RAD51B: variants seen among roughly 807,000 people sequenced by gnomAD.
The protein encoded by RAD51B is DNA repair protein RAD51 homolog 2.
A neutral mutation model predicts 42.2 loss-of-function variants in RAD51B; 38 were observed. The ratio of observed to expected loss-of-function variants is 0.90; its 90% CI spans 0.70 to 1.18. The LOEUF is 1.18. Among genes scored for constraint, RAD51B ranks in the 50% most tolerant of loss-of-function variants. RAD51B has a pLI of 0.00. For missense variants in RAD51B, 373 were observed against 400.7 expected (o/e 0.93, Z 0.59); for synonymous variants, 154 against 145.2 (o/e 1.06, Z -0.43).
chr14:68,602,014 C>G (rs1891238842), intron 10 of RAD51B, among the ~76,000 whole-genome samples: 1 of 152,116 alleles, frequency 6.6e-6, no homozygotes, highest in Admixed American at 6.5e-5. Flanking sequence ...CCTTATTGTC[C>G]CAACCTGCTT....
intron 7 of RAD51B, among the ~76,000 whole-genome samples, chr14:67,958,597 A>G (rs1309170522): frequency 6.6e-6 from 1 of 152,190 alleles, no homozygotes; most frequent in Admixed American, 6.5e-5. Flanking sequence ...GTAAAAAACA[A>G]TATTTCTCTT....
intron 7 of RAD51B, among the ~76,000 whole-genome samples, chr14:67,930,429 TTTA>T (rs2044686712): frequency 6.6e-6 from 1 of 152,214 alleles, no homozygotes; most frequent in South Asian, 2.1e-4. Context: ...TAGAAAAGAC[TTTA>T]TTTCTTCTTT....
At chr14:68,524,218 G>A (rs140344593) in intron 10 of RAD51B, among the ~76,000 whole-genome samples, 91 of 152,274 alleles carry the variant, frequency 6.0e-4, no homozygotes, top group African/African-American at 2.1e-3. Flanking sequence ...CTGACCGACC[G>A]ACAGAGAGAG....
At chr14:68,524,958 C>T (rs1220798418) in intron 10 of RAD51B, among the ~76,000 whole-genome samples, 1 of 152,202 alleles carries the variant, frequency 6.6e-6, no homozygotes, top group South Asian at 2.1e-4. Flanking sequence ...GAGTAATGGC[C>T]TCCCAAAGAC....
chr14:68,280,381 AC>A (rs1359084668), intron 7 of RAD51B, among the ~76,000 whole-genome samples: 1 of 152,150 alleles, frequency 6.6e-6, no homozygotes, highest in Non-Finnish European at 1.5e-5. Context: ...CATATTGAGA[AC>A]CTTTTTATGT....
chr14:68,562,460 A>G (rs1040286593), intron 10 of RAD51B: 2 of 983,272 alleles, frequency 2.0e-6, no homozygotes, highest in Admixed American at 1.2e-4. Context: ...GCTGTGGGGG[A>G]TTTTGTGCTG....
Position 68,303,107 on chromosome 14 carries a change from G to A in RAD51B, c.853+11127G>A, listed in dbSNP as rs146391228. On this transcript the variant is annotated intron_variant, in intron 8 of 10. Transcript: ENST00000471583. Reference sequence around the variant, plus strand: ...TGAAATAGGGAAGTATAAAGAAAATGTGGCACATACACACTGTGGAATACC... The same window carrying A: ...TGAAATAGGGAAGTATAAAGAAAATATGGCACATACACACTGTGGAATACC... 4.1e-3 allele frequency among the ~76,000 whole-genome samples: 624 copies of A among 152,328 alleles called. 4 individuals carry two copies. The highest frequency in any genetic ancestry group is 0.014 in the African/African-American group (600 of 41,580).
At chr14:67,910,137 T>C (rs1416828822) in intron 7 of RAD51B, among the ~76,000 whole-genome samples, 8 of 152,166 alleles carry the variant, frequency 5.3e-5, no homozygotes, top group African/African-American at 1.9e-4. Flanking sequence ...CATTTTCAAA[T>C]TGTATGTAGG....
intron 7 of RAD51B, among the ~76,000 whole-genome samples, chr14:68,222,224 A>G (rs1206761572): frequency 6.6e-6 from 1 of 152,206 alleles, no homozygotes; most frequent in Non-Finnish European, 1.5e-5. Context: ...ATACTTGCAC[A>G]TGTGTGTTTA....
At chr14:67,872,962 G>T (rs1345566443) in intron 5 of RAD51B, among the ~76,000 whole-genome samples, 5 of 152,300 alleles carry the variant, frequency 3.3e-5, no homozygotes, top group Middle Eastern at 3.4e-3. Flanking sequence ...AGACTTAAAT[G>T]TAAGACCTAA....
At chr14:68,468,641 G>A (rs1300284958) in intron 10 of RAD51B, 1 of 333,498 alleles carries the variant, frequency 3.0e-6, no homozygotes, top group Non-Finnish European at 5.9e-6. Context: ...TGCTTAACAA[G>A]CTAAAGAACC....
intron 11 of RAD51B, among the ~76,000 whole-genome samples, chr14:68,655,528 G>C (rs1029592609): frequency 6.6e-6 from 1 of 152,216 alleles, no homozygotes; most frequent in Admixed American, 6.5e-5. Flanking sequence ...TCAGGTCGGG[G>C]GAGAGGGCAG....
At chr14:68,468,440 G>A in intron 10 of RAD51B, 190 bp downstream of exon 10, 1 of 736,436 alleles carries the variant, frequency 1.4e-6, no homozygotes, top group East Asian at 2.6e-5. Flanking sequence ...TGACAGAGAA[G>A]ATTGAGGTAG....
At chr14:68,023,773 C>T (rs921753516) in intron 7 of RAD51B, among the ~76,000 whole-genome samples, 2 of 152,086 alleles carry the variant, frequency 1.3e-5, no homozygotes, top group Non-Finnish European at 2.9e-5. Flanking sequence ...TTTGTGAATA[C>T]TCTCTCCCAT....
chr14:68,090,947 C>T (rs1302966448), intron 7 of RAD51B, among the ~76,000 whole-genome samples: 6 of 146,036 alleles, frequency 4.1e-5, no homozygotes, highest in South Asian at 2.2e-4. Flanking sequence ...TGAGAACATG[C>T]GGTGTTTGGT....
intron 8 of RAD51B, among the ~76,000 whole-genome samples, chr14:68,323,308 A>G (rs2082190344): frequency 6.6e-6 from 1 of 152,162 alleles, no homozygotes; most frequent in Non-Finnish European, 1.5e-5. Context: ...AGACCTGAAG[A>G]TGTGAGCATT....
chr14:68,087,331 A>G (rs2076999905), intron 7 of RAD51B, among the ~76,000 whole-genome samples: 1 of 152,096 alleles, frequency 6.6e-6, no homozygotes, highest in South Asian at 2.1e-4. Flanking sequence ...TAATAATCAG[A>G]GTAGCAGGGT....
intron 4 of RAD51B, 102 bp from the exon 5 acceptor site, chr14:67,864,901 T>TATATGGCA: frequency 1.4e-6 from 2 of 1,416,954 alleles, no homozygotes; most frequent in Non-Finnish European, 1.9e-6. Context: ...TTGGACTGCA[T>TATATGGCA]ATATGGCAAA....
rs1429332555 is a variant in RAD51B, at chr14:68,470,530, A to G, written c.1036+2280A>G. ...GGGCCTTGCTTTTGTCAGCTGGAAA[A>G]TGAAAACATTAACCTTGATTCAAGA... is the stretch of plus-strand genomic sequence containing the variant. On this transcript the variant is annotated intron_variant, in intron 10 of 10. Transcript: ENST00000471583. 3.0e-5 allele frequency: 15 copies of G among 493,726 alleles called. No individual in the cohort carries two copies. The Middle Eastern group carries it at 9.0e-4, about 30-fold the overall frequency. The allele number at this position is 493,726 out of a possible 1,614,324, so 30.6% of individuals were successfully genotyped here. A position where few individuals can be genotyped will look rare whatever the true frequency, so the allele number is the denominator to read the frequency against.
Sources: gnomAD v4.1 joint callset for allele counts (sites outside exome capture counted in the v4.1 genomes callset) on GRCh38, gnomAD v4.1.1 for gene constraint, MANE v1.5 for transcripts, NCBI Gene and HGNC (gene_info 2026-07-23, HGNC 2026-07-21) for gene names.